The following PTCHD4 variants were observed in gnomAD, a reference collection of about 807,000 sequenced individuals.
PTCHD4 encodes the protein patched domain containing 4, also known as patched domain-containing protein 4.
A neutral mutation model predicts 58.1 loss-of-function variants in PTCHD4; 33 were observed. That is an observed-to-expected ratio of 0.57 (90% CI 0.43 to 0.76). PTCHD4 has a LOEUF of 0.76. Among genes scored for constraint, PTCHD4 ranks in the 30% least tolerant of loss-of-function variants. PTCHD4 has a pLI of 0.00. For synonymous variants in PTCHD4, 478 were observed against 409.6 expected (o/e 1.17, Z -2.02); for missense variants, 1,058 against 1,027.1 (o/e 1.03, Z -0.41).
chr6:47,902,979 C>T (rs1274914328), intron 4 of PTCHD4, among the ~76,000 whole-genome samples: 1 of 152,096 alleles, frequency 6.6e-6, no homozygotes, highest in Non-Finnish European at 1.5e-5. Context: ...CAAAACTTCT[C>T]AATATCAAAT....
chr6:47,973,433 T>C (rs1767586146), intron 4 of PTCHD4, among the ~76,000 whole-genome samples: 1 of 152,206 alleles, frequency 6.6e-6, no homozygotes, highest in Admixed American at 6.5e-5. Flanking sequence ...ATAAAAACAA[T>C]GCTACAGTGA....
chr6:47,915,572 T>C (rs1581872092), intron 4 of PTCHD4, among the ~76,000 whole-genome samples: 1 of 19,584 alleles, frequency 5.1e-5, no homozygotes, highest in African/African-American at 1.1e-4. Flanking sequence ...AGAAGACAGA[T>C]TTTTTTTTTT....
chr6:48,098,345 T>TTCTTCTTCTTCTTCTTCTTCTTCTTC lies in PTCHD4; in HGVS notation c.-970+12703_-970+12704insGAAGAAGAAGAAGAAGAAGAAGAAGA, dbSNP rs1309210161. 6.0e-3 allele frequency among the ~76,000 whole-genome samples: 801 copies of TTCTTCTTCTTCTTCTTCTTCTTCTTC among 134,298 alleles called. 3 individuals carry two copies. Among genetic ancestry groups the TTCTTCTTCTTCTTCTTCTTCTTCTTC allele is most frequent in the African/African-American group, 0.015 (511 of 34,216 alleles). 88.1% of individuals were successfully genotyped at this position (134,298 alleles called of 152,430 possible). A position where few individuals can be genotyped will look rare whatever the true frequency, so the allele number is the denominator to read the frequency against. ...TCTTCTTCTTCTTCTTCTTCTTCTTTTTTTTTTTTTTGAGAGAGAGTCTCG... is the reference window on the plus strand; with the variant it reads ...TCTTCTTCTTCTTCTTCTTCTTCTTTTCTTCTTCTTCTTCTTCTTCTTCTTCTTTTTTTTTTTGAGAGAGAGTCTCG... On this transcript the variant is annotated intron_variant, in intron 1 of 4. Transcript: ENST00000339488.
chr6:47,988,683 C>T (rs1324802346), intron 4 of PTCHD4, among the ~76,000 whole-genome samples: 1 of 152,180 alleles, frequency 6.6e-6, no homozygotes, highest in African/African-American at 2.4e-5. Context: ...TTTGCATCCT[C>T]CTCATTTGCT....
At position 47,887,165 on chromosome 6, in the gene PTCHD4, ATACT is replaced by A. The variant is rs937321634; in HGVS notation, c.899-7233_899-7230del. Among the ~76,000 whole-genome samples, 10 of 151,288 alleles carry A rather than the reference ATACT, an allele frequency of 6.6e-5. No homozygotes were observed. In the East Asian group the frequency reaches 1.7e-3, roughly 26 times the overall value. On this transcript the variant is annotated intron_variant, in intron 4 of 4. Transcript: ENST00000339488. ...TCTTGTAATAGTTATTATTGTAATG[ATACT>A]TACTAGATTAACAATAATAGGTATA...
At chr6:47,987,238 C>CT (rs1417627759) in intron 4 of PTCHD4, among the ~76,000 whole-genome samples, 1 of 111,826 alleles carries the variant, frequency 8.9e-6, no homozygotes, top group Non-Finnish European at 1.7e-5. Flanking sequence ...AAAACACACA[C>CT]TGGGAACTGT....
intron 4 of PTCHD4, among the ~76,000 whole-genome samples, chr6:47,965,787 C>T (rs1489056513): frequency 2.6e-5 from 4 of 151,896 alleles, no homozygotes; most frequent in South Asian, 2.1e-4. Context: ...AATTGGTGGG[C>T]GCCAGTAGTC....
chr6:48,055,458 C>A (rs1251457652), intron 3 of PTCHD4, among the ~76,000 whole-genome samples: 1 of 151,994 alleles, frequency 6.6e-6, no homozygotes, highest in Non-Finnish European at 1.5e-5. Context: ...GTTTATAAAC[C>A]ACTTTTTAAG....
At chr6:48,090,392 C>T (rs780964468) in intron 1 of PTCHD4, among the ~76,000 whole-genome samples, 5 of 152,056 alleles carry the variant, frequency 3.3e-5, no homozygotes, top group Admixed American at 6.5e-5. Context: ...TGCTATCTGC[C>T]GAACATTTTA....
At chr6:48,043,296 G>A (rs12189847) in intron 3 of PTCHD4, among the ~76,000 whole-genome samples, 28,772 of 151,700 alleles carry the variant, frequency 0.19, 3,088 homozygotes, top group South Asian at 0.26. Flanking sequence ...TCTCCAAACT[G>A]TTCTCTTCTG....
intron 1 of PTCHD4, among the ~76,000 whole-genome samples, chr6:48,104,984 T>C (rs529822390): frequency 2.0e-5 from 3 of 152,236 alleles, no homozygotes; most frequent in Admixed American, 6.5e-5. Context: ...GAGACTTAGA[T>C]TCCCACACAA....
chr6:47,887,394 T>C (rs1281804942), intron 4 of PTCHD4, among the ~76,000 whole-genome samples: 1 of 151,970 alleles, frequency 6.6e-6, no homozygotes, highest in Non-Finnish European at 1.5e-5. Flanking sequence ...CAGCAATGGG[T>C]TTTGTGAAAT....
In PTCHD4 at chr6:48,111,082, G is replaced by A. The variant is rs1190786510; in HGVS notation, c.-1003C>T. On this transcript the variant is annotated 5_prime_UTR_variant, in exon 1 of 5. Coordinates refer to ENST00000339488, the MANE Select transcript of PTCHD4 (RefSeq NM_001384253.1). ...TTTCGGTTTGGATTGGCGCATGGAGGCAACAACAGAATTGGAGAGTGAGAG... is the reference window on the plus strand; with the variant it reads ...TTTCGGTTTGGATTGGCGCATGGAGACAACAACAGAATTGGAGAGTGAGAG... Among the ~76,000 whole-genome samples, 2 of 151,906 alleles carry A rather than the reference G, an allele frequency of 1.3e-5. No individual in the cohort carries two copies. The highest frequency in any genetic ancestry group is 2.9e-5 in the Non-Finnish European group (2 of 67,988).
In PTCHD4 at chr6:47,879,762, A is replaced by G. The variant is rs1200452992; in HGVS notation, c.1073T>C (p.Ile358Thr). ...TTGACAGAAGACCTTCACAGCCTCTATGTTTGTGAATGGGCTGGCACCCAT... is the reference window on the plus strand; with the variant it reads ...TTGACAGAAGACCTTCACAGCCTCTGTGTTTGTGAATGGGCTGGCACCCAT... Reference protein sequence around the residue: ...FGMGASPFTNIEAVKVFCQNM... With the variant: ...FGMGASPFTNTEAVKVFCQNM... Residue 358 changes from isoleucine to threonine, a missense_variant, in exon 5 of 5, where the codon ATA (isoleucine) becomes ACA (threonine). Physicochemically the swap from Ile to Thr is moderately conservative, Grantham distance 89. Transcript: ENST00000339488. 5.0e-6 allele frequency: 8 copies of G among 1,613,708 alleles called. No homozygotes were observed. Among genetic ancestry groups the G allele is most frequent in the South Asian group, 1.1e-5 (1 of 91,066 alleles).
intron 3 of PTCHD4, among the ~76,000 whole-genome samples, chr6:48,012,664 G>A (rs563940452): frequency 1.3e-5 from 2 of 152,292 alleles, no homozygotes; most frequent in South Asian, 4.2e-4. Flanking sequence ...TTTTCAAAGG[G>A]AATGCTTCCA....
rs1268112509 is a variant in PTCHD4 at position 47,867,735 on chromosome 6, G to A, written c.*10568C>T. On this transcript the variant is annotated 3_prime_UTR_variant, in exon 5 of 5. Coordinates refer to ENST00000339488, the MANE Select transcript of PTCHD4 (RefSeq NM_001384253.1). ...ATTAGAATCTTACCCACACTTCAAT[G>A]TGGATCAGTTCATAATTCCTTCCTT... Among the ~76,000 whole-genome samples, 3 of 151,690 alleles carry A rather than the reference G, an allele frequency of 2.0e-5. No homozygotes were observed. Among genetic ancestry groups the A allele is most frequent in the Non-Finnish European group, 4.4e-5 (3 of 67,804 alleles).
At chr6:47,881,203 A>T (rs1764012801) in intron 4 of PTCHD4, among the ~76,000 whole-genome samples, 1 of 152,188 alleles carries the variant, frequency 6.6e-6, no homozygotes. Flanking sequence ...TACAAACTTA[A>T]TTTACTTAGT....
intron 4 of PTCHD4, among the ~76,000 whole-genome samples, chr6:47,985,411 A>G (rs1768026065): frequency 6.6e-6 from 1 of 152,158 alleles, no homozygotes; most frequent in African/African-American, 2.4e-5. Flanking sequence ...AATTATTTGC[A>G]GTAGCAAAGC....
chr6:48,018,730 A>C (rs894334346), intron 3 of PTCHD4, among the ~76,000 whole-genome samples: 1 of 152,238 alleles, frequency 6.6e-6, no homozygotes, highest in Admixed American at 6.5e-5. Context: ...CAATATTACT[A>C]TTCTTACATG....
Sources: allele counts gnomAD v4.1 joint callset (sites outside exome capture counted in the v4.1 genomes callset), GRCh38; gene constraint gnomAD v4.1.1; transcripts MANE v1.5; gene names NCBI Gene and HGNC (gene_info 2026-07-23, HGNC 2026-07-21).